Variants in STRN observed in about 807,000 individuals in gnomAD.
The protein encoded by STRN is protein phosphatase 2 regulatory subunit B'''alpha.
In STRN, 53 loss-of-function variants were observed where a neutral mutation model predicts 96.3. That is an observed-to-expected ratio of 0.55 (90% CI 0.44 to 0.69). The LOEUF (loss-of-function observed/expected upper bound fraction) is 0.69, where lower values mean the gene tolerates loss of function less well. STRN is among the 30% of genes least tolerant of loss of function. The pLI, the probability that STRN is intolerant of heterozygous loss-of-function variation, is 0.00. For missense variants in STRN, 987 were observed against 963.9 expected, an observed-to-expected ratio of 1.02 and a Z score of -0.32; for synonymous variants, 428 against 355.9, an observed-to-expected ratio of 1.20 and a Z score of -2.28.
intron 1 of STRN, among the ~76,000 whole-genome samples, chr2:36,950,153 T>G (rs972971483): frequency 6.6e-6 from 1 of 151,246 alleles, no homozygotes; most frequent in African/African-American, 2.4e-5. Flanking sequence ...GCAATACTAA[T>G]AGATAAGGGA....
At chr2:36,866,293 T>G (rs866383970) in intron 12 of STRN, among the ~76,000 whole-genome samples, 7 of 152,310 alleles carry the variant, frequency 4.6e-5, no homozygotes, top group Middle Eastern at 3.4e-3. Flanking sequence ...CCAGAACTTC[T>G]GAGCTCATGC....
chr2:36,945,388 T>C (rs4389320), intron 1 of STRN, among the ~76,000 whole-genome samples: 62,690 of 152,054 alleles, frequency 0.41, 13,365 homozygotes, highest in East Asian at 0.67. Flanking sequence ...AATGCAGAGG[T>C]CAGGCATGGT....
At chr2:36,915,234 T>A (rs1239807161) in intron 3 of STRN, among the ~76,000 whole-genome samples, 2 of 29,344 alleles carry the variant, frequency 6.8e-5, no homozygotes, top group African/African-American at 7.5e-4. Flanking sequence ...AATACATAAA[T>A]ATATATATAT....
chr2:36,914,743 G>A (rs1156470779), intron 3 of STRN, among the ~76,000 whole-genome samples: 1 of 152,166 alleles, frequency 6.6e-6, no homozygotes, highest in Non-Finnish European at 1.5e-5. Flanking sequence ...TTTGGAGTCA[G>A]AAAGACCTGG....
intron 7 of STRN, 108 bp from the exon 8 acceptor site, chr2:36,886,934 C>G: frequency 1.3e-6 from 1 of 791,376 alleles, no homozygotes; most frequent in East Asian, 2.8e-5. Flanking sequence ...GTATCACTAA[C>G]TTAAAAAAAG....
At chr2:36,874,060 C>G (rs1236904226) in intron 10 of STRN, among the ~76,000 whole-genome samples, 2 of 151,450 alleles carry the variant, frequency 1.3e-5, no homozygotes, top group African/African-American at 2.4e-5. Flanking sequence ...TCAAGACCAT[C>G]CTGGCTAACA....
At chr2:36,937,676 AAAAG>A (rs1670740150) in intron 1 of STRN, among the ~76,000 whole-genome samples, 1 of 151,800 alleles carries the variant, frequency 6.6e-6, no homozygotes, top group South Asian at 2.1e-4. Flanking sequence ...CTTGCCTTAA[AAAAG>A]AAAGAAAAGA....
Position 36,902,577 on chromosome 2 carries a change from T to A in STRN, c.659+7A>T. 1 of 1,586,524 alleles carries A rather than the reference T, an allele frequency of 6.3e-7. No individual in the cohort carries two copies. Among genetic ancestry groups the A allele is most frequent in the Non-Finnish European group, 8.6e-7 (1 of 1,164,712 alleles). On this transcript the variant is annotated splice_region_variant and intron_variant, in intron 5 of 17. Transcript: ENST00000263918. ...TAGCTAAAACACTTTCCAGACAAAATACTTACGCAATCATTGCTGTCTCTT... is the reference window on the plus strand; with the variant it reads ...TAGCTAAAACACTTTCCAGACAAAAAACTTACGCAATCATTGCTGTCTCTT...
intron 3 of STRN, among the ~76,000 whole-genome samples, chr2:36,911,650 C>G (rs1357253499): frequency 3.3e-5 from 5 of 152,196 alleles, no homozygotes; most frequent in African/African-American, 1.2e-4. Flanking sequence ...TTTTAATTCA[C>G]CCATTAGCCA....
intron 6 of STRN, among the ~76,000 whole-genome samples, chr2:36,895,358 A>G (rs1669511592): frequency 6.6e-6 from 1 of 151,992 alleles, no homozygotes; most frequent in Non-Finnish European, 1.5e-5. Context: ...GATAGGAGAA[A>G]TCAAAGGATT....
rs531209818 is a variant in STRN, at chr2:36,914,255, T to A, written c.412+1823A>T. Among the ~76,000 whole-genome samples, 121 of 152,280 alleles carry A rather than the reference T, an allele frequency of 7.9e-4. 2 individuals carry two copies. In the Middle Eastern group the frequency reaches 0.014, roughly 17 times the overall value. On this transcript the variant is annotated intron_variant, in intron 3 of 17. Coordinates refer to ENST00000263918, the MANE Select transcript of STRN (RefSeq NM_003162.4). ...ATCCTCCCACCTTGGCCTCCCAAAG[T>A]GGGATTACAGGCATTAGCCACTGCA...
At chr2:36,930,184 C>T (rs1670534449) in intron 1 of STRN, among the ~76,000 whole-genome samples, 1 of 152,172 alleles carries the variant, frequency 6.6e-6, no homozygotes, top group Non-Finnish European at 1.5e-5. Flanking sequence ...GTAATCCCAG[C>T]ACTTTGGGAG....
At chr2:36,870,923 T>C (rs1217118339) in intron 10 of STRN, among the ~76,000 whole-genome samples, 1 of 152,090 alleles carries the variant, frequency 6.6e-6, no homozygotes, top group Non-Finnish European at 1.5e-5. Flanking sequence ...TGACCCTGTA[T>C]AGGCCTAGGT....
At chr2:36,940,457 T>C (rs1670816266) in intron 1 of STRN, among the ~76,000 whole-genome samples, 1 of 152,188 alleles carries the variant, frequency 6.6e-6, no homozygotes, top group African/African-American at 2.4e-5. Flanking sequence ...TATTAATAGT[T>C]GGTGAAGCTG....
intron 15 of STRN, among the ~76,000 whole-genome samples, chr2:36,853,692 CTA>C (rs1377357556): frequency 6.6e-6 from 1 of 152,148 alleles, no homozygotes; most frequent in African/African-American, 2.4e-5. Context: ...ACTTTAAACT[CTA>C]TATAAAACTC....
intron 11 of STRN, among the ~76,000 whole-genome samples, chr2:36,868,815 C>G (rs1313994155): frequency 6.6e-6 from 1 of 151,292 alleles, no homozygotes; most frequent in East Asian, 1.9e-4. Context: ...AGTGATGACT[C>G]TTATAATAAC....
chr2:36,878,704 T>C (rs1668985481), intron 9 of STRN, among the ~76,000 whole-genome samples: 3 of 152,122 alleles, frequency 2.0e-5, no homozygotes, highest in Admixed American at 2.0e-4. Context: ...CACTCTTCTG[T>C]AGGTATATTA....
In STRN at chr2:36,838,796, A is replaced by G. The variant is rs1240104600; in HGVS notation, c.*10660T>C. On this transcript the variant is annotated 3_prime_UTR_variant, in exon 18 of 18. Coordinates refer to ENST00000263918, the MANE Select transcript of STRN (RefSeq NM_003162.4). ...AATGTTTATTGTAATAATAAAAAGG[A>G]AATAAGAGCTATGATAGACTTAGAG... Among the ~76,000 whole-genome samples the G allele has an allele frequency of 6.6e-6, 1 of 152,214 alleles. No homozygotes were observed. The highest frequency in any genetic ancestry group is 1.9e-4 in the East Asian group (1 of 5,202).
intron 3 of STRN, among the ~76,000 whole-genome samples, chr2:36,906,093 A>G (rs1052623985): frequency 6.6e-6 from 1 of 152,220 alleles, no homozygotes; most frequent in Non-Finnish European, 1.5e-5. Flanking sequence ...TGACTAGTAC[A>G]CATTGCATGC....
Sources: allele counts gnomAD v4.1 joint callset (sites outside exome capture counted in the v4.1 genomes callset), GRCh38; gene constraint gnomAD v4.1.1; transcripts MANE v1.5; gene names NCBI Gene and HGNC (gene_info 2026-07-23, HGNC 2026-07-21).